The following SPTBN1 variants were observed in gnomAD, a reference collection of about 807,000 sequenced individuals.
SPTBN1 encodes spectrin beta, non-erythrocytic 1.
SPTBN1 carries 32 observed loss-of-function variants against 266.4 expected under a neutral mutation model. The observed-to-expected ratio is 0.12, with a 90% CI of 0.09 to 0.16. SPTBN1 has a LOEUF of 0.16. SPTBN1 is among the 10% of genes least tolerant of loss of function. The pLI is 1.00. For missense variants in SPTBN1, 2,296 were observed against 3,067.1 expected (o/e 0.75, Z 5.94); for synonymous variants, 1,336 against 1,162.2 (o/e 1.15, Z -3.04).
In SPTBN1 at chr2:54,533,349, A is replaced by AGTGTGTGTGTGT. The variant is rs56027497; in HGVS notation, c.148+6818_148+6829dup. ...AGTGAAACCCAGGCTAAAGGGGACT[A>AGTGTGTGTGTGT]GTGTGTGTGTGTGTGTGTGTGTGTG... On this transcript the variant is annotated intron_variant, in intron 2 of 35. Transcript: ENST00000356805. The surrounding 1 kb of genome is among the most constrained non-coding windows in gnomAD (Gnocchi z 4.2). Among the ~76,000 whole-genome samples, 2 of 141,884 alleles carry AGTGTGTGTGTGT rather than the reference A, an allele frequency of 1.4e-5. No individual in the cohort carries two copies. Among genetic ancestry groups the AGTGTGTGTGTGT allele is most frequent in the African/African-American group, 2.7e-5 (1 of 37,702 alleles). 93.1% of individuals were successfully genotyped at this position (141,884 alleles called of 152,430 possible).
At position 54,558,263 on chromosome 2, in the gene SPTBN1, C is replaced by T. The variant is rs1328023733; in HGVS notation, c.148+31697C>T. ...CGGGCCGGCTAGGCTCCCCCGCGCCCCTCCTCGTGGTATAGCCTGCATTTC... is the reference window on the plus strand; with the variant it reads ...CGGGCCGGCTAGGCTCCCCCGCGCCTCTCCTCGTGGTATAGCCTGCATTTC... On this transcript the variant is annotated intron_variant, in intron 2 of 35. Coordinates refer to ENST00000356805, the MANE Select transcript of SPTBN1 (RefSeq NM_003128.3). The surrounding 1 kb of genome is among the most constrained non-coding windows in gnomAD (Gnocchi z 4.6). 1.0e-6 allele frequency: 1 copy of T among 985,412 alleles called. No homozygotes were observed. Among genetic ancestry groups the T allele is most frequent in the Non-Finnish European group, 1.2e-6 (1 of 829,928 alleles). 61.0% of individuals were successfully genotyped at this position (985,412 alleles called of 1,614,324 possible). A position where few individuals can be genotyped will look rare whatever the true frequency, so the allele number is the denominator to read the frequency against.
At chr2:54,513,827 G>A (rs939530835) in intron 1 of SPTBN1, among the ~76,000 whole-genome samples, 4 of 152,140 alleles carry the variant, frequency 2.6e-5, no homozygotes, top group African/African-American at 9.7e-5. Flanking sequence ...TATTTATTTG[G>A]TAGGACTTAA....
At chr2:54,661,421 T>C in intron 32 of SPTBN1, 1 of 985,910 alleles carries the variant, frequency 1.0e-6, no homozygotes. Context: ...ATTTGTCTTT[T>C]TATTTCATGA....
rs536229560 is a variant in SPTBN1 at position 54,628,306 on chromosome 2, A to G, written c.1798+56A>G. The G allele has an allele frequency of 7.1e-5, 109 of 1,535,956 alleles. No individual in the cohort carries two copies. The Middle Eastern group carries it at 1.0e-3, about 14-fold the overall frequency. ...CGGGTCACCAGAGATTCATATTTAT[A>G]GAAACACAGTGGGGCTTTTGAAGTT... is the stretch of plus-strand genomic sequence containing the variant. On this transcript the variant is annotated intron_variant, in intron 13 of 35. Transcript: ENST00000356805. The surrounding 1 kb of genome is among the most constrained non-coding windows in gnomAD (Gnocchi z 4.3).
chr2:54,526,086 C>G (rs1266650830), intron 1 of SPTBN1, among the ~76,000 whole-genome samples: 1 of 152,142 alleles, frequency 6.6e-6, no homozygotes, highest in Non-Finnish European at 1.5e-5. Context: ...AGGAATAAAC[C>G]CACCATTTTG....
At chr2:54,621,299 A>C (rs1677977727) in intron 7 of SPTBN1, 101 bp from the exon 8 acceptor site, 3 of 764,874 alleles carry the variant, frequency 3.9e-6, no homozygotes, top group Non-Finnish European at 6.7e-6. Context: ...GAAGACGCTG[A>C]ACTGTTCCAT....
intron 1 of SPTBN1, among the ~76,000 whole-genome samples, chr2:54,523,310 A>G (rs1307199849): frequency 6.6e-6 from 1 of 152,234 alleles, no homozygotes; most frequent in East Asian, 1.9e-4. Context: ...ATTGAGATTG[A>G]GTATGTCTCT....
intron 2 of SPTBN1, among the ~76,000 whole-genome samples, chr2:54,578,356 C>T (rs964278094): frequency 1.3e-5 from 2 of 152,132 alleles, no homozygotes; most frequent in Non-Finnish European, 2.9e-5. Context: ...TAAATATTTT[C>T]GACTGGTTGA....
At chr2:54,572,149 G>A (rs761932796) in intron 2 of SPTBN1, among the ~76,000 whole-genome samples, 21 of 152,010 alleles carry the variant, frequency 1.4e-4, no homozygotes, top group African/African-American at 2.2e-4. Context: ...GGGAAGCCAC[G>A]GTACTAAGGT....
intron 2 of SPTBN1, chr2:54,529,734 G>A (rs769188979): frequency 1.9e-4 from 130 of 691,430 alleles, no homozygotes; most frequent in Non-Finnish European, 2.4e-4. Flanking sequence ...CTGATGGAGA[G>A]ATGAAGGCAT....
intron 1 of SPTBN1, among the ~76,000 whole-genome samples, chr2:54,463,303 G>C (rs1334635389): frequency 6.6e-6 from 1 of 152,234 alleles, no homozygotes; most frequent in Non-Finnish European, 1.5e-5. Flanking sequence ...AGCATGTTTG[G>C]TGATGATGAC....
chr2:54,520,358 C>G lies in SPTBN1; in HGVS notation c.-47-6014C>G, dbSNP rs570902374. The G allele has an allele frequency of 2.0e-5, 3 of 152,296 alleles. No homozygotes were observed. The East Asian group carries it at 5.8e-4, about 29-fold the overall frequency. The allele number at this position is 152,296 out of a possible 1,614,324, so 9.4% of individuals were successfully genotyped here. On this transcript the variant is annotated intron_variant, in intron 1 of 35. Transcript: ENST00000356805. ...GCCTGGCATGGTAACATTCCAGTTT[C>G]TTTCCTAATGGTTATGACCTGTGGT...
chr2:54,535,610 A>T (rs1671551533), intron 2 of SPTBN1, among the ~76,000 whole-genome samples: 1 of 152,206 alleles, frequency 6.6e-6, no homozygotes, highest in South Asian at 2.1e-4. Context: ...TAGATAAGTA[A>T]TAGTGGTAGA....
Position 54,645,313 on chromosome 2 carries a change from A to G in SPTBN1, c.4354A>G (p.Ser1452Gly), listed in dbSNP as rs767028449. ...CCAGGCCCTGAGTCAGGAAGGGAAG[A>G]GCACCGACGAGGTAGACAGCAAGCG... ...QAQALSQEGK[S>G]TDEVDSKRLT... is the part of the protein sequence containing the mutation. Residue 1452 changes from serine (S) to glycine (G), a missense_variant, in exon 21 of 36, where the codon AGC becomes GGC. Physicochemically the swap from Ser to Gly is moderately conservative, Grantham distance 56. This residue lies in a region of SPTBN1 where 386 missense variants were observed against 486.1 expected (regional missense o/e 0.79). Transcript: ENST00000356805. This position sits in a 1 kb window ranked among gnomAD's most constrained non-coding sequence, Gnocchi z 4.3. 2.5e-6 allele frequency: 4 copies of G among 1,614,112 alleles called. No homozygotes were observed. In the African/African-American group the frequency reaches 5.3e-5, roughly 22 times the overall value.
chr2:54,592,559 T>G (rs1022984652), intron 2 of SPTBN1, among the ~76,000 whole-genome samples: 2 of 152,038 alleles, frequency 1.3e-5, no homozygotes, highest in African/African-American at 4.8e-5. Flanking sequence ...TAATTTTGTG[T>G]TTTTAGTAGA....
At chr2:54,557,430 T>G (rs1047648696) in intron 2 of SPTBN1, among the ~76,000 whole-genome samples, 3 of 152,122 alleles carry the variant, frequency 2.0e-5, no homozygotes, top group Non-Finnish European at 4.4e-5. Context: ...GGGGGAGATC[T>G]AGAGTCAATT....
At chr2:54,523,904 A>G (rs894660510) in intron 1 of SPTBN1, among the ~76,000 whole-genome samples, 3 of 152,198 alleles carry the variant, frequency 2.0e-5, no homozygotes, top group Admixed American at 6.5e-5. Context: ...TTTGAGTTTT[A>G]AGATGTTGAT....
At chr2:54,557,342 G>T (rs1291379697) in intron 2 of SPTBN1, among the ~76,000 whole-genome samples, 1 of 151,386 alleles carries the variant, frequency 6.6e-6, no homozygotes, top group East Asian at 2.0e-4. Context: ...CTCCAAACTG[G>T]AAATGCCAAA....
chr2:54,586,958 C>A (rs762774380), intron 2 of SPTBN1, among the ~76,000 whole-genome samples: 13 of 152,192 alleles, frequency 8.5e-5, no homozygotes, highest in Non-Finnish European at 1.3e-4. Flanking sequence ...TCCCTCTTTG[C>A]CCTTAATTAT....
Sources: gnomAD v4.1 joint callset for allele counts (sites outside exome capture counted in the v4.1 genomes callset) on GRCh38, gnomAD v4.1.1 for gene constraint, gnomAD v4.1.1 regional missense constraint, Gnocchi (gnomAD v3.1) non-coding constraint, MANE v1.5 for transcripts, NCBI Gene and HGNC (gene_info 2026-07-23, HGNC 2026-07-21) for gene names.